RAI1: variants seen among roughly 807,000 people sequenced by gnomAD.
RAI1 encodes retinoic acid induced 1, also known as retinoic acid-induced protein 1.
RAI1 carries 9 observed loss-of-function variants against 123.8 expected under a neutral mutation model. The observed-to-expected ratio is 0.07, with a 90% CI of 0.04 to 0.13. The LOEUF (loss-of-function observed/expected upper bound fraction) is 0.13. Among genes scored for constraint, RAI1 ranks in the 10% least tolerant of loss-of-function variants. The probability of loss-of-function intolerance (pLI) is 1.00; values close to 1 mark genes in which losing one functional copy is unlikely to be tolerated. For synonymous variants in RAI1, 1,231 were observed against 1,127.3 expected, an observed-to-expected ratio of 1.09 and a Z score of -1.84; for missense variants, 2,256 against 2,545.8, an observed-to-expected ratio of 0.89 and a Z score of 2.45.
At position 17,794,719 on chromosome 17, in the gene RAI1, G is replaced by A; in HGVS notation, c.1771G>A (p.Glu591Lys). The A allele has an allele frequency of 6.2e-7, 1 of 1,611,364 alleles. No individual in the cohort carries two copies. The highest frequency in any genetic ancestry group is 8.5e-7 in the Non-Finnish European group (1 of 1,180,022). Residue 591 changes from glutamate (E) to lysine (K), a missense_variant, in exon 3 of 6, where the codon GAG becomes AAG. Transcript: ENST00000353383. Reference protein sequence around the residue: ...LDSFSKFVAGERDCPRLLLSA... With the variant: ...LDSFSKFVAGKRDCPRLLLSA... ...CAGCTTCTCCAAGTTCGTGGCGGGT[G>A]AGCGGGACTGTCCGCGGCTGCTGCT... is the stretch of plus-strand genomic sequence containing the variant.
chr17:17,739,757 G>C (rs1265770068), intron 2 of RAI1, among the ~76,000 whole-genome samples: 9 of 152,220 alleles, frequency 5.9e-5, no homozygotes, highest in Admixed American at 5.9e-4. Context: ...CAGTCTCCCT[G>C]TGTTGGTGGT....
intron 1 of RAI1, among the ~76,000 whole-genome samples, chr17:17,686,659 C>T (rs1349550856): frequency 7.1e-6 from 1 of 141,442 alleles, no homozygotes. Context: ...AACATGAGGG[C>T]AGAGAGGTGG....
At chr17:17,780,742 T>C (rs1042247623) in intron 2 of RAI1, among the ~76,000 whole-genome samples, 2 of 152,248 alleles carry the variant, frequency 1.3e-5, no homozygotes, top group African/African-American at 4.8e-5. Context: ...TCCAGCAGTC[T>C]GAGCCTTATC....
rs2032404279 is a variant in RAI1, at chr17:17,800,170, G to GTCTCTCTCTGTC, written c.5565+1667_5565+1678dup. Among the ~76,000 whole-genome samples, 1 of 33,544 alleles carries GTCTCTCTCTGTC rather than the reference G, an allele frequency of 3.0e-5. No individual in the cohort carries two copies. Among genetic ancestry groups the GTCTCTCTCTGTC allele is most frequent in the Non-Finnish European group, 6.1e-5 (1 of 16,288 alleles). 22.0% of individuals were successfully genotyped at this position (33,544 alleles called of 152,430 possible). A position where few individuals can be genotyped will look rare whatever the true frequency, so the allele number is the denominator to read the frequency against. On this transcript the variant is annotated intron_variant, in intron 3 of 5. Coordinates refer to ENST00000353383, the MANE Select transcript of RAI1 (RefSeq NM_030665.4). This position sits in a 1 kb window ranked among gnomAD's most constrained non-coding sequence, Gnocchi z 4.7. The stretch of plus-strand genomic sequence containing the variant: ...ATTTTTTGCCTCTCTCCTGCTTTCT[G>GTCTCTCTCTGTC]TCTCTCTCTGTCTCTCTCTCTCTCT...
intron 1 of RAI1, among the ~76,000 whole-genome samples, chr17:17,682,788 G>C (rs1914482996): frequency 6.6e-6 from 1 of 152,154 alleles, no homozygotes; most frequent in African/African-American, 2.4e-5. Flanking sequence ...TCGTTATCCA[G>C]TCCACGCAGG....
At chr17:17,713,688 T>G (rs1915631457) in intron 1 of RAI1, among the ~76,000 whole-genome samples, 1 of 152,206 alleles carries the variant, frequency 6.6e-6, no homozygotes. Context: ...TAAGGAAATA[T>G]TCACAGTAAT....
In RAI1 at chr17:17,793,464, C is replaced by A. The variant is rs147481626; in HGVS notation, c.516C>A (p.His172Gln). The change falls in exon 3 of 6, where the codon CAC (histidine) becomes CAA (glutamine). Residue 172 changes from histidine to glutamine, a missense_variant. Coordinates refer to ENST00000353383, the MANE Select transcript of RAI1 (RefSeq NM_030665.4). ...TGCCCTTTCGGACTCACTCCCTGCACGTCCAGCAGCCACCGCCGCCCCAGC... is the reference window on the plus strand; with the variant it reads ...TGCCCTTTCGGACTCACTCCCTGCAAGTCCAGCAGCCACCGCCGCCCCAGC... ...AQVPFRTHSL[H>Q]VQQPPPPQQP... 150 of 1,613,366 alleles carry A rather than the reference C, an allele frequency of 9.3e-5. No individual in the cohort carries two copies. In the African/African-American group the frequency reaches 1.7e-3, roughly 19 times the overall value.
At chr17:17,788,909 C>A (rs1207557572) in intron 2 of RAI1, among the ~76,000 whole-genome samples, 2 of 152,208 alleles carry the variant, frequency 1.3e-5, no homozygotes, top group Non-Finnish European at 2.9e-5. Context: ...GCCTAGTGAC[C>A]TCTCCCTGAG....
Position 17,793,217 on chromosome 17 carries a change from G to T in RAI1, c.269G>T (p.Gly90Val). ...AGCAAGGCCCTGCCCACACAGCAAG[G>T]CCTGCAGGGGAGGCCGGCTTTCCCT... ...RGSKALPTQQ[G>V]LQGRPAFPGY... Residue 90 changes from glycine to valine, a missense_variant, in exon 3 of 6, where the codon GGC becomes GTC. Transcript: ENST00000353383. The T allele has an allele frequency of 1.2e-6, 2 of 1,611,264 alleles. No homozygotes were observed. The highest frequency in any genetic ancestry group is 1.7e-6 in the Non-Finnish European group (2 of 1,179,042).
rs898986244 is a variant in RAI1 at position 17,796,597 on chromosome 17, C to T, written c.3649C>T (p.Arg1217Trp). Residue 1217 changes from arginine to tryptophan, a missense_variant, in exon 3 of 6, where the codon CGG (arginine) becomes TGG (tryptophan). Arg to Trp is a moderately radical substitution (Grantham distance 101). Around this residue, in one of 7 missense-constraint regions of RAI1, gnomAD observed 322 missense variants for 358.0 expected, o/e 0.90. Transcript: ENST00000353383. The surrounding 1 kb of genome is among the most constrained non-coding windows in gnomAD (Gnocchi z 5.8). ...TGGTGCAGGCAGCAAGCTCTCTGAC[C>T]GGCCCCTCCATGCGCTCAAAAGGAA... ...KPGAGSKLSD[R>W]PLHALKRKSA... The T allele has an allele frequency of 1.4e-5, 23 of 1,611,918 alleles. No homozygotes were observed. Among genetic ancestry groups the T allele is most frequent in the South Asian group, 4.4e-5 (4 of 91,088 alleles).
At chr17:17,721,227 C>T (rs894441679) in intron 1 of RAI1, among the ~76,000 whole-genome samples, 10 of 152,126 alleles carry the variant, frequency 6.6e-5, no homozygotes, top group African/African-American at 2.4e-4. Flanking sequence ...AAAACTTGGG[C>T]TTGGTCAGGC....
In RAI1 at chr17:17,810,101, C is replaced by T. The variant is rs2032700629; in HGVS notation, c.*120C>T. Reference sequence around the variant, plus strand: ...GCTGCTCCCAGCGCTGGTCCAGAGCCGATCCTTGATCCGGGTCCCGGATCG... The same window carrying T: ...GCTGCTCCCAGCGCTGGTCCAGAGCTGATCCTTGATCCGGGTCCCGGATCG... On this transcript the variant is annotated 3_prime_UTR_variant, in exon 6 of 6. Coordinates refer to ENST00000353383, the MANE Select transcript of RAI1 (RefSeq NM_030665.4). The surrounding 1 kb of genome is among the most constrained non-coding windows in gnomAD (Gnocchi z 4.6). 5 of 1,340,950 alleles carry T rather than the reference C, an allele frequency of 3.7e-6. No individual in the cohort carries two copies. The Admixed American group carries it at 1.0e-4, about 28-fold the overall frequency. The allele number at this position is 1,340,950 out of a possible 1,614,324, so 83.1% of individuals were successfully genotyped here.
rs1443139497 is a variant in RAI1 at position 17,794,367 on chromosome 17, A to G, written c.1419A>G (p.Pro473=). ...KGVKNLVSRT[P]EQHKSQHCSP... ...TCAAGAACCTCGTGTCCAGGACCCC[A>G]GAGCAGCATAAAAGCCAGCACTGCA... Residue 473 remains proline, a synonymous_variant, in exon 3 of 6, where the codon CCA becomes CCG. Coordinates refer to ENST00000353383, the MANE Select transcript of RAI1 (RefSeq NM_030665.4). 4.3e-6 allele frequency: 7 copies of G among 1,613,114 alleles called. No homozygotes were observed. Among genetic ancestry groups the G allele is most frequent in the Non-Finnish European group, 5.9e-6 (7 of 1,180,044 alleles).
rs371983878 is a variant in RAI1 at position 17,793,779 on chromosome 17, CCAGCAGCAGCAGCAG to C, written c.858_872del (p.Gln287_Gln291del). 4.8e-4 allele frequency: 647 copies of C among 1,356,808 alleles called. No individual in the cohort carries two copies. Among genetic ancestry groups the C allele is most frequent in the Middle Eastern group, 3.6e-3 (18 of 5,030 alleles). The allele number at this position is 1,356,808 out of a possible 1,614,324, so 84.0% of individuals were successfully genotyped here. A position where few individuals can be genotyped will look rare whatever the true frequency, so the allele number is the denominator to read the frequency against. On this transcript the variant is annotated inframe_deletion, in exon 3 of 6. Transcript: ENST00000353383. ...ACCAGTCGGGCCGCCTCAGCTATGA[CCAGCAGCAGCAGCAG>C]CAGCAGCAGCAGCAGCAGCAGCAGC...
Position 17,794,928 on chromosome 17 carries a change from G to A in RAI1, c.1980G>A (p.Arg660=), listed in dbSNP as rs894154543. The change falls in exon 3 of 6, where the codon CGG becomes CGA. Residue 660 remains arginine (R), a synonymous_variant. Transcript: ENST00000353383. The stretch of plus-strand genomic sequence containing the variant: ...CTGTGGCCAAGAGTGCGTGGCCCCG[G>A]CCTGGGGAGCCGGAGGCCCTGCCCG... The part of the protein sequence containing the change: ...LDSVAKSAWP[R]PGEPEALPDS... 2 of 1,613,658 alleles carry A rather than the reference G, an allele frequency of 1.2e-6. No individual in the cohort carries two copies. The highest frequency in any genetic ancestry group is 2.7e-5 in the African/African-American group (2 of 75,078).
chr17:17,796,228 T>A lies in RAI1; in HGVS notation c.3280T>A (p.Ser1094Thr), dbSNP rs2032241041. 6.4e-7 allele frequency: 1 copy of A among 1,563,928 alleles called. No homozygotes were observed. Among genetic ancestry groups the A allele is most frequent in the South Asian group, 1.2e-5 (1 of 84,936 alleles). ...GGGCAAGCAGCGAGCCGCCTTCAAG[T>A]CGGGCAAGCGGGTGGGGAAGCCCTC... is the stretch of plus-strand genomic sequence containing the variant. The part of the protein sequence containing the change: ...LGGKQRAAFK[S>T]GKRVGKPSPK... The change falls in exon 3 of 6, where the codon TCG becomes ACG. Residue 1094 changes from serine (S) to threonine (T), a missense_variant. Ser to Thr is a moderately conservative substitution (Grantham distance 58, BLOSUM62 1). Coordinates refer to ENST00000353383, the MANE Select transcript of RAI1 (RefSeq NM_030665.4). The surrounding 1 kb of genome is among the most constrained non-coding windows in gnomAD (Gnocchi z 5.8).
chr17:17,794,745 C>T lies in RAI1; in HGVS notation c.1797C>T (p.Leu599=), dbSNP rs373388618. The change falls in exon 3 of 6, where the codon CTC becomes CTT. Residue 599 remains leucine (L), a synonymous_variant. Coordinates refer to ENST00000353383, the MANE Select transcript of RAI1 (RefSeq NM_030665.4). ...AGERDCPRLL[L]SALAQEDLAS... is the part of the protein sequence containing the mutation. ...AGCGGGACTGTCCGCGGCTGCTGCT[C>T]AGCGCCCTGGCACAGGAGGACCTGG... The T allele has an allele frequency of 2.5e-5, 41 of 1,612,416 alleles. No individual in the cohort carries two copies. The highest frequency in any genetic ancestry group is 3.4e-5 in the Non-Finnish European group (40 of 1,180,038).
intron 2 of RAI1, among the ~76,000 whole-genome samples, chr17:17,744,518 G>A (rs965522702): frequency 2.0e-5 from 3 of 152,152 alleles, no homozygotes; most frequent in African/African-American, 7.2e-5. Flanking sequence ...GCCGGGCACG[G>A]TGGGTGGCTC....
Position 17,795,047 on chromosome 17 carries a change from A to C in RAI1, c.2099A>C (p.Lys700Thr), listed in dbSNP as rs1567919827. The C allele has an allele frequency of 6.2e-7, 1 of 1,613,976 alleles. No individual in the cohort carries two copies. Residue 700 changes from lysine (K) to threonine (T), a missense_variant, in exon 3 of 6, where the codon AAA (lysine) becomes ACA (threonine). Coordinates refer to ENST00000353383, the MANE Select transcript of RAI1 (RefSeq NM_030665.4). This position sits in a 1 kb window ranked among gnomAD's most constrained non-coding sequence, Gnocchi z 5.9. The part of the protein sequence containing the change: ...PSVAFATPDP[K>T]KTTGPLSFGT... ...GTGGCCTTCGCTACGCCTGACCCCA[A>C]AAAGACAACTGGTCCTCTCTCCTTT...
Sources: allele counts gnomAD v4.1 joint callset (sites outside exome capture counted in the v4.1 genomes callset), GRCh38; gene constraint gnomAD v4.1.1; regional missense constraint gnomAD v4.1.1; non-coding constraint Gnocchi (gnomAD v3.1); transcripts MANE v1.5; gene names NCBI Gene and HGNC (gene_info 2026-07-23, HGNC 2026-07-21).